GMDS: variants seen among roughly 807,000 people sequenced by gnomAD.
GMDS encodes the protein GDP-mannose 4,6 dehydratase.
GMDS carries 20 observed loss-of-function variants against 49.9 expected under a neutral mutation model. The ratio of observed to expected loss-of-function variants is 0.40; its 90% CI spans 0.28 to 0.58. The LOEUF (loss-of-function observed/expected upper bound fraction) is 0.58, where lower values mean the gene tolerates loss of function less well. GMDS is among the 20% of genes least tolerant of loss of function. The pLI, the probability that GMDS is intolerant of heterozygous loss-of-function variation, is 0.42. For missense variants in GMDS, 362 were observed against 481.4 expected (o/e 0.75, Z 2.32); for synonymous variants, 177 against 178.6 (o/e 0.99, Z 0.07).
At chr6:2,018,843 T>C (rs1051019651) in intron 4 of GMDS, among the ~76,000 whole-genome samples, 4 of 152,048 alleles carry the variant, frequency 2.6e-5, no homozygotes, top group African/African-American at 9.7e-5. Flanking sequence ...TTCTTTGGGG[T>C]ATATATCTAG....
chr6:2,064,843 G>GT (rs1387276402), intron 4 of GMDS, among the ~76,000 whole-genome samples: 1 of 152,166 alleles, frequency 6.6e-6, no homozygotes, highest in Non-Finnish European at 1.5e-5. Context: ...GGAGGGAGAT[G>GT]TCATTCTAAG....
At chr6:1,788,071 T>C (rs1769391387) in intron 7 of GMDS, among the ~76,000 whole-genome samples, 1 of 152,000 alleles carries the variant, frequency 6.6e-6, no homozygotes, top group African/African-American at 2.4e-5. Flanking sequence ...AATTGGAATA[T>C]TAACATGTGG....
chr6:1,835,655 C>A (rs1228340162), intron 7 of GMDS, among the ~76,000 whole-genome samples: 1 of 152,018 alleles, frequency 6.6e-6, no homozygotes, highest in Non-Finnish European at 1.5e-5. Context: ...CAAGTGCAGG[C>A]AGATGGGCAT....
chr6:1,944,388 C>T (rs1561911326), intron 6 of GMDS, among the ~76,000 whole-genome samples: 1 of 152,094 alleles, frequency 6.6e-6, no homozygotes, highest in African/African-American at 2.4e-5. Context: ...GCCTGTAGTC[C>T]CAGCTGCTCG....
intron 6 of GMDS, among the ~76,000 whole-genome samples, chr6:1,949,820 C>T (rs1208799350): frequency 1.3e-5 from 2 of 152,152 alleles, no homozygotes; most frequent in Non-Finnish European, 2.9e-5. Context: ...TTGTGTAAAA[C>T]CTATAATGCT....
intron 7 of GMDS, among the ~76,000 whole-genome samples, chr6:1,827,200 C>T (rs1269460191): frequency 2.7e-5 from 4 of 147,968 alleles, no homozygotes; most frequent in Non-Finnish European, 5.9e-5. Context: ...ATATATGTAT[C>T]CTGGATACAC....
chr6:1,842,556 G>A (rs896116004), intron 7 of GMDS, among the ~76,000 whole-genome samples: 3 of 152,220 alleles, frequency 2.0e-5, no homozygotes, highest in Admixed American at 2.0e-4. Flanking sequence ...GTCTGGGGAT[G>A]ATGTCAATAC....
intron 4 of GMDS, among the ~76,000 whole-genome samples, chr6:2,008,029 T>A (rs1234202899): frequency 1.3e-5 from 2 of 152,190 alleles, no homozygotes; most frequent in Non-Finnish European, 2.9e-5. Context: ...CATGTTACTA[T>A]TTTGTGTAAT....
At chr6:1,946,988 G>T (rs1763100974) in intron 6 of GMDS, among the ~76,000 whole-genome samples, 1 of 152,230 alleles carries the variant, frequency 6.6e-6, no homozygotes, top group South Asian at 2.1e-4. Flanking sequence ...TGTCTAGCGA[G>T]TTCTGCACAT....
intron 7 of GMDS, among the ~76,000 whole-genome samples, chr6:1,889,338 G>A (rs142756986): frequency 3.3e-4 from 50 of 151,816 alleles, no homozygotes; most frequent in Admixed American, 6.6e-4. Context: ...CTTCACTTTC[G>A]TTATTCTGTG....
intron 2 of GMDS, among the ~76,000 whole-genome samples, chr6:2,118,947 T>C (rs1774994524): frequency 6.6e-6 from 1 of 152,216 alleles, no homozygotes; most frequent in Non-Finnish European, 1.5e-5. Flanking sequence ...AAAGTTGAAC[T>C]GCTCTATAAA....
At chr6:1,759,684 A>G (rs1021485239) in intron 7 of GMDS, among the ~76,000 whole-genome samples, 1 of 152,224 alleles carries the variant, frequency 6.6e-6, no homozygotes, top group African/African-American at 2.4e-5. Flanking sequence ...TTAAACATTT[A>G]TATAGGAAAA....
intron 6 of GMDS, among the ~76,000 whole-genome samples, chr6:1,939,612 C>T (rs560240111): frequency 3.3e-5 from 5 of 150,718 alleles, no homozygotes; most frequent in East Asian, 1.9e-4. Context: ...TACACATACA[C>T]ACACACAGAG....
At chr6:1,630,885 G>A (rs908676786) in intron 9 of GMDS, among the ~76,000 whole-genome samples, 1 of 152,038 alleles carries the variant, frequency 6.6e-6, no homozygotes, top group African/African-American at 2.4e-5. Flanking sequence ...GAGATGGGGG[G>A]TGGCTGACTC....
intron 9 of GMDS, among the ~76,000 whole-genome samples, chr6:1,696,861 G>C (rs1413358065): frequency 6.6e-6 from 1 of 152,224 alleles, no homozygotes; most frequent in Non-Finnish European, 1.5e-5. Context: ...CATGCTCCTT[G>C]GAGTCACATG....
chr6:1,791,338 C>T (rs949778472), intron 7 of GMDS, among the ~76,000 whole-genome samples: 9 of 152,218 alleles, frequency 5.9e-5, no homozygotes, highest in African/African-American at 2.2e-4. Flanking sequence ...TGAGATCACA[C>T]TACCAGCATG....
At chr6:1,946,765 G>A (rs1410971362) in intron 6 of GMDS, among the ~76,000 whole-genome samples, 2 of 152,122 alleles carry the variant, frequency 1.3e-5, no homozygotes, top group African/African-American at 4.8e-5. Context: ...GTCAGGTACA[G>A]CCCCTGCACC....
chr6:1,735,732 C>T (rs1011705314), intron 8 of GMDS, among the ~76,000 whole-genome samples: 1 of 152,230 alleles, frequency 6.6e-6, no homozygotes, highest in Admixed American at 6.5e-5. Context: ...GTCCAGCTTA[C>T]ATCTAACTTT....
At chr6:2,074,069 T>C (rs1174737676) in intron 4 of GMDS, among the ~76,000 whole-genome samples, 1 of 152,224 alleles carries the variant, frequency 6.6e-6, no homozygotes, top group Non-Finnish European at 1.5e-5. Context: ...AGTTCTATTT[T>C]TAGTTTTCTA....
Sources: allele counts gnomAD v4.1 joint callset (sites outside exome capture counted in the v4.1 genomes callset), GRCh38; gene constraint gnomAD v4.1.1; transcripts MANE v1.5; gene names NCBI Gene and HGNC (gene_info 2026-07-23, HGNC 2026-07-21).